ATM: variants seen among roughly 807,000 people sequenced by gnomAD.
ATM encodes the protein ATM serine/threonine kinase, also known as serine-protein kinase ATM.
In ATM, 308 loss-of-function variants were observed where a neutral mutation model predicts 387.0. The observed-to-expected ratio is 0.80, with a 90% CI of 0.73 to 0.87. ATM has a LOEUF of 0.87. ATM is among the 40% of genes least tolerant of loss of function. ATM has a pLI of 0.00. For synonymous variants in ATM, 1,156 were observed against 1,187.3 expected (o/e 0.97, Z 0.54); for missense variants, 3,312 against 3,560.9 (o/e 0.93, Z 1.78).
At chr11:108,355,035 A>T in intron 61 of ATM, 161 bp downstream of exon 61, 1 of 642,760 alleles carries the variant, frequency 1.6e-6, no homozygotes, top group Non-Finnish European at 2.8e-6. Context: ...CTTTTCACAC[A>T]TCCAAAAATA....
At chr11:108,334,069 A>C in intron 54 of ATM, 101 bp downstream of exon 54, 1 of 895,602 alleles carries the variant, frequency 1.1e-6, no homozygotes. Context: ...TTGGTTAAAT[A>C]TTGGCAAATT....
intron 4 of ATM, among the ~76,000 whole-genome samples, chr11:108,233,444 C>T (rs935446876): frequency 2.6e-5 from 4 of 151,780 alleles, no homozygotes; most frequent in African/African-American, 9.7e-5. Flanking sequence ...TGGTGACCAC[C>T]TGTAGTCCCA....
chr11:108,366,310 C>T lies in ATM; in HGVS notation c.*802C>T, dbSNP rs1395302891. ...TGTATATAATCTCTTTTACCCTATC[C>T]ATTGGGCTTCTTCTTTCAGAAATTG... On this transcript the variant is annotated 3_prime_UTR_variant, in exon 63 of 63. Coordinates refer to ENST00000675843, the MANE Select transcript of ATM (RefSeq NM_000051.4). 1 of 210,132 alleles carries T rather than the reference C, an allele frequency of 4.8e-6. No individual in the cohort carries two copies. Among genetic ancestry groups the T allele is most frequent in the Non-Finnish European group, 9.7e-6 (1 of 103,556 alleles). 13.0% of individuals were successfully genotyped at this position (210,132 alleles called of 1,614,324 possible).
intron 37 of ATM, among the ~76,000 whole-genome samples, chr11:108,306,230 T>G (rs2135956540): frequency 6.6e-6 from 1 of 152,308 alleles, no homozygotes; most frequent in South Asian, 2.1e-4. Flanking sequence ...TAGACATAGA[T>G]GCCCATCCTG....
At chr11:108,353,045 C>T (rs1468105921) in intron 59 of ATM, among the ~76,000 whole-genome samples, 1 of 152,066 alleles carries the variant, frequency 6.6e-6, no homozygotes, top group African/African-American at 2.4e-5. Context: ...TATAGTTTTG[C>T]AGGACATTAC....
chr11:108,279,786 A>C (rs527973204), intron 23 of ATM, among the ~76,000 whole-genome samples, 178 bp downstream of exon 23: 3 of 152,218 alleles, frequency 2.0e-5, no homozygotes, highest in Non-Finnish European at 2.9e-5. Flanking sequence ...ACAATGGGTC[A>C]AATCATAGCA....
chr11:108,275,721 C>T (rs1045458058), intron 22 of ATM, among the ~76,000 whole-genome samples: 24 of 152,102 alleles, frequency 1.6e-4, no homozygotes, highest in African/African-American at 4.6e-4. Context: ...AGGTTTCTGC[C>T]GAGAGATCTG....
At chr11:108,291,598 T>C (rs953956383) in intron 29 of ATM, among the ~76,000 whole-genome samples, 1 of 152,248 alleles carries the variant, frequency 6.6e-6, no homozygotes, top group Non-Finnish European at 1.5e-5. Context: ...TCTAGAGTTG[T>C]ACAATATATG....
At position 108,354,807 on chromosome 11, in the gene ATM, C is replaced by G. The variant is rs944858078; in HGVS notation, c.8787-4C>G. 1.2e-6 allele frequency: 2 copies of G among 1,612,790 alleles called. No individual in the cohort carries two copies. Among genetic ancestry groups the G allele is most frequent in the East Asian group, 2.2e-5 (1 of 44,874 alleles). Reference sequence around the variant, plus strand: ...ATCCGTATTTATAATGTGTTTGACTCTAGATGCTGTGAGAAAACCATGGAA... The same window carrying G: ...ATCCGTATTTATAATGTGTTTGACTGTAGATGCTGTGAGAAAACCATGGAA... On this transcript the variant is annotated splice_polypyrimidine_tract_variant and splice_region_variant and intron_variant, in intron 60 of 62. Coordinates refer to ENST00000675843, the MANE Select transcript of ATM (RefSeq NM_000051.4).
At chr11:108,345,497 A>G (rs1196163161) in intron 57 of ATM, among the ~76,000 whole-genome samples, 1 of 152,182 alleles carries the variant, frequency 6.6e-6, no homozygotes, top group Non-Finnish European at 1.5e-5. Flanking sequence ...TCAAATTAGA[A>G]TTTAATCAAA....
At chr11:108,351,009 A>G (rs570646787) in intron 59 of ATM, among the ~76,000 whole-genome samples, 2 of 152,354 alleles carry the variant, frequency 1.3e-5, no homozygotes, top group South Asian at 4.1e-4. Flanking sequence ...GAAACAATCC[A>G]GATATCCATC....
chr11:108,343,490 G>A, intron 57 of ATM, 119 bp downstream of exon 57: 1 of 1,235,530 alleles, frequency 8.1e-7, no homozygotes, highest in South Asian at 1.4e-5. Context: ...AATTGTCAAA[G>A]ATACTAAGTA....
chr11:108,335,234 T>C (rs756459850), intron 55 of ATM, 125 bp downstream of exon 55: 61 of 1,555,006 alleles, frequency 3.9e-5, no homozygotes, highest in Non-Finnish European at 5.0e-5. Flanking sequence ...GAGGAAGATT[T>C]GTAGAGTAGA....
intron 59 of ATM, among the ~76,000 whole-genome samples, chr11:108,353,131 T>C (rs2089413284): frequency 6.6e-6 from 1 of 152,170 alleles, no homozygotes; most frequent in Non-Finnish European, 1.5e-5. Context: ...AGTGAACATA[T>C]AATTATCTCA....
intron 61 of ATM, among the ~76,000 whole-genome samples, chr11:108,357,201 C>T (rs969711058): frequency 7.2e-5 from 11 of 152,186 alleles, no homozygotes; most frequent in African/African-American, 2.2e-4. Flanking sequence ...CCTGGAAAAT[C>T]GGGTCACTCC....
rs370286603 is a variant in ATM, at chr11:108,366,836, A to T, written c.*1328A>T. 1.7e-5 allele frequency: 4 copies of T among 229,862 alleles called. No individual in the cohort carries two copies. The highest frequency in any genetic ancestry group is 5.7e-5 in the Admixed American group (1 of 17,638). 14.2% of individuals were successfully genotyped at this position (229,862 alleles called of 1,614,324 possible). A position where few individuals can be genotyped will look rare whatever the true frequency, so the allele number is the denominator to read the frequency against. ...CTTTATGGCAGGGGTGGAAGGAGGT[A>T]CATTTAATTCCCACTGCCTGCCTTT... On this transcript the variant is annotated 3_prime_UTR_variant, in exon 63 of 63. Coordinates refer to ENST00000675843, the MANE Select transcript of ATM (RefSeq NM_000051.4).
rs786203011 is a variant in ATM, at chr11:108,229,282, T to C, written c.290T>C (p.Ile97Thr). ...QASRQKKMQE[I>T]SSLVKYFIKC... ...TCCAGGCAGAAAAAGATGCAGGAAA[T>C]CAGTAGTTTGGTCAAATACTTCATC... The change falls in exon 4 of 63, where the codon ATC becomes ACC. Residue 97 changes from isoleucine to threonine, a missense_variant. Transcript: ENST00000675843. 8.7e-6 allele frequency: 14 copies of C among 1,613,466 alleles called. No individual in the cohort carries two copies. In the African/African-American group the frequency reaches 1.7e-4, roughly 20 times the overall value.
intron 31 of ATM, among the ~76,000 whole-genome samples, chr11:108,293,888 A>ATATATATAT (rs1389525920): frequency 2.8e-5 from 3 of 109,090 alleles, no homozygotes; most frequent in Non-Finnish European, 3.8e-5. Context: ...AAAAAAAAAA[A>ATATATATAT]AAAAAAATAT....
At chr11:108,288,931 A>T in intron 27 of ATM, 46 bp from the exon 28 acceptor site, 7 of 1,612,526 alleles carry the variant, frequency 4.3e-6, no homozygotes, top group Non-Finnish European at 5.1e-6. Context: ...TCTATGAACA[A>T]AACTTTTTAA....
Sources: gnomAD v4.1 joint callset for allele counts (sites outside exome capture counted in the v4.1 genomes callset) on GRCh38, gnomAD v4.1.1 for gene constraint, MANE v1.5 for transcripts, NCBI Gene and HGNC (gene_info 2026-07-23, HGNC 2026-07-21) for gene names.